Variants in TXNL1 observed in about 807,000 individuals in gnomAD.
TXNL1 encodes thioredoxin-like protein 1.
In TXNL1, 14 loss-of-function variants were observed where a neutral mutation model predicts 35.5. The observed-to-expected ratio is 0.39, with a 90% CI of 0.26 to 0.62. The LOEUF (loss-of-function observed/expected upper bound fraction) is 0.62. Among genes scored for constraint, TXNL1 ranks in the 20% least tolerant of loss-of-function variants. The probability of loss-of-function intolerance (pLI) is 0.47; values close to 1 mark genes in which losing one functional copy is unlikely to be tolerated. For synonymous variants in TXNL1, 110 were observed against 115.5 expected (o/e 0.95, Z 0.31); for missense variants, 263 against 349.7 (o/e 0.75, Z 1.98).
At chr18:56,620,512 A>C (rs1239391197) in intron 3 of TXNL1, among the ~76,000 whole-genome samples, 1 of 152,218 alleles carries the variant, frequency 6.6e-6, no homozygotes, top group African/African-American at 2.4e-5. Context: ...AAGTCATAGA[A>C]GCCTTTAGGG....
Position 56,627,237 on chromosome 18 carries a change from TCTCA to T in TXNL1, c.99-784_99-781del, listed in dbSNP as rs1480445907. On this transcript the variant is annotated intron_variant, in intron 1 of 7. Transcript: ENST00000217515. ...ATAGTGTTAAGTCTTCTAGCTTTGT[TCTCA>T]CTGAGAGAAATTAAAGAAAACCTAA... 1.1e-4 allele frequency among the ~76,000 whole-genome samples: 17 copies of T among 152,294 alleles called. 1 individual carries two copies. In the South Asian group the frequency reaches 3.1e-3, roughly 28 times the overall value.
At chr18:56,604,722 C>A (rs2023861037) in intron 7 of TXNL1, among the ~76,000 whole-genome samples, 1 of 152,146 alleles carries the variant, frequency 6.6e-6, no homozygotes, top group Non-Finnish European at 1.5e-5. Flanking sequence ...TGGGCAAAAG[C>A]AGAGGACATG....
chr18:56,621,123 A>G (rs984249930), intron 3 of TXNL1, among the ~76,000 whole-genome samples: 5 of 152,200 alleles, frequency 3.3e-5, no homozygotes, highest in Admixed American at 3.3e-4. Context: ...TACCTAAATG[A>G]TAAAAATAAA....
In TXNL1 at chr18:56,603,011, C is replaced by T; in HGVS notation, c.*16G>A. 6.2e-7 allele frequency: 1 copy of T among 1,613,616 alleles called. No individual in the cohort carries two copies. The highest frequency in any genetic ancestry group is 2.2e-5 in the East Asian group (1 of 44,804). On this transcript the variant is annotated 3_prime_UTR_variant, in exon 8 of 8. Transcript: ENST00000217515. ...TAGATCTGATTGCAATATGGTTGTC[C>T]AGTGTCTTTTGTACCTTAGTGGCTT...
chr18:56,618,197 C>T (rs1303836509), intron 3 of TXNL1, 71 bp from the exon 4 acceptor site: 1 of 1,484,042 alleles, frequency 6.7e-7, no homozygotes, highest in East Asian at 2.4e-5. Flanking sequence ...AAATTTAAAT[C>T]TCTGATTCTC....
intron 6 of TXNL1, among the ~76,000 whole-genome samples, chr18:56,612,875 AT>A (rs879583282): frequency 1.2e-3 from 180 of 146,258 alleles, no homozygotes; most frequent in Admixed American, 1.4e-3. Context: ...CTTGATTATA[AT>A]TTTTTTTTTT....
chr18:56,627,152 C>G (rs1221677599), intron 1 of TXNL1, among the ~76,000 whole-genome samples: 1 of 152,040 alleles, frequency 6.6e-6, no homozygotes, highest in African/African-American at 2.4e-5. Flanking sequence ...TTTACATATA[C>G]TTGTATCAAT....
intron 1 of TXNL1, among the ~76,000 whole-genome samples, chr18:56,628,904 A>G (rs1249349956): frequency 6.6e-6 from 1 of 152,252 alleles, no homozygotes; most frequent in East Asian, 1.9e-4. Flanking sequence ...CATTTCAATC[A>G]GCATTTCACC....
rs556177529 is a variant in TXNL1 at position 56,599,049 on chromosome 18, C to T, written c.*3978G>A. ...TTCCCATAGAGAAGCATAGCAAGCA[C>T]GAAGGAAAAATACTCTAGCAGTTTT... On this transcript the variant is annotated 3_prime_UTR_variant, in exon 8 of 8. Coordinates refer to ENST00000217515, the MANE Select transcript of TXNL1 (RefSeq NM_004786.3). 4 of 152,048 alleles carry T rather than the reference C, an allele frequency of 2.6e-5. No individual in the cohort carries two copies. Among genetic ancestry groups the T allele is most frequent in the Non-Finnish European group, 4.4e-5 (3 of 68,004 alleles). The allele number at this position is 152,048 out of a possible 1,614,324, so 9.4% of individuals were successfully genotyped here. A position where few individuals can be genotyped will look rare whatever the true frequency, so the allele number is the denominator to read the frequency against.
chr18:56,619,213 CAA>C (rs780757654), intron 3 of TXNL1, among the ~76,000 whole-genome samples: 14 of 64,948 alleles, frequency 2.2e-4, no homozygotes, highest in Admixed American at 5.5e-4. Context: ...GACCCTGTCT[CAA>C]AAAAAAAAAA....
chr18:56,638,245 C>T, intron 1 of TXNL1, 98 bp downstream of exon 1: 2 of 1,318,660 alleles, frequency 1.5e-6, no homozygotes, highest in Middle Eastern at 3.7e-4. Flanking sequence ...GCCGGACACT[C>T]CGGGGCAGCA....
At chr18:56,611,597 T>G (rs2023992864) in intron 6 of TXNL1, among the ~76,000 whole-genome samples, 2 of 152,176 alleles carry the variant, frequency 1.3e-5, no homozygotes, top group South Asian at 4.1e-4. Flanking sequence ...TGCCCTGCTA[T>G]TCTCACTTTC....
At chr18:56,605,913 A>T (rs1244922290) in intron 7 of TXNL1, among the ~76,000 whole-genome samples, 1 of 152,236 alleles carries the variant, frequency 6.6e-6, no homozygotes, top group Non-Finnish European at 1.5e-5. Context: ...TAAAAACGGA[A>T]ATTATCCAGA....
chr18:56,608,066 C>T (rs191399548), intron 7 of TXNL1, among the ~76,000 whole-genome samples: 450 of 152,210 alleles, frequency 3.0e-3, no homozygotes, highest in Non-Finnish European at 4.2e-3. Flanking sequence ...TTCCAGGCAT[C>T]CACCGGGGGT....
intron 1 of TXNL1, among the ~76,000 whole-genome samples, chr18:56,634,458 AAG>A (rs1258478599): frequency 6.6e-6 from 1 of 152,228 alleles, no homozygotes; most frequent in Admixed American, 6.5e-5. Context: ...GAGTCAATAT[AAG>A]AGCTTAAACA....
At chr18:56,636,257 G>C (rs1448407060) in intron 1 of TXNL1, among the ~76,000 whole-genome samples, 2 of 152,148 alleles carry the variant, frequency 1.3e-5, no homozygotes, top group African/African-American at 4.8e-5. Context: ...AATAGGGTTG[G>C]AAAGGAAATG....
intron 3 of TXNL1, among the ~76,000 whole-genome samples, chr18:56,621,985 TAGACA>T (rs2024195104): frequency 8.7e-6 from 1 of 114,502 alleles, no homozygotes; most frequent in Non-Finnish European, 1.7e-5. Flanking sequence ...CACGCCAGCC[TAGACA>T]AAAGTGTGAA....
intron 1 of TXNL1, among the ~76,000 whole-genome samples, chr18:56,636,585 C>T (rs141235433): frequency 3.9e-5 from 6 of 152,036 alleles, no homozygotes; most frequent in African/African-American, 1.4e-4. Flanking sequence ...AATTTTAATT[C>T]CACTAAAATA....
intron 3 of TXNL1, among the ~76,000 whole-genome samples, chr18:56,622,225 T>TA (rs902656828): frequency 2.0e-5 from 3 of 152,018 alleles, no homozygotes; most frequent in African/African-American, 7.2e-5. Flanking sequence ...AGTGCTGGTT[T>TA]AGACTTTCAA....
Sources: gnomAD v4.1 joint callset for allele counts (sites outside exome capture counted in the v4.1 genomes callset) on GRCh38, gnomAD v4.1.1 for gene constraint, MANE v1.5 for transcripts, NCBI Gene and HGNC (gene_info 2026-07-23, HGNC 2026-07-21) for gene names.